The following SOX6 variants were observed in gnomAD, a reference collection of about 807,000 sequenced individuals.
The protein encoded by SOX6 is transcription factor SOX-6.
SOX6 carries 11 observed loss-of-function variants against 97.8 expected under a neutral mutation model. That is an observed-to-expected ratio of 0.11 (90% CI 0.07 to 0.19). The LOEUF (loss-of-function observed/expected upper bound fraction) is 0.19. Ranked by LOEUF, SOX6 falls within the 10% of genes least tolerant of loss-of-function variation. The pLI, the probability that SOX6 is intolerant of heterozygous loss-of-function variation, is 1.00. For missense variants in SOX6, 810 were observed against 1,039.5 expected (o/e 0.78, Z 3.04); for synonymous variants, 360 against 371.4 (o/e 0.97, Z 0.35).
chr11:15,978,389 C>T (rs916290556), intron 15 of SOX6, among the ~76,000 whole-genome samples: 4 of 151,922 alleles, frequency 2.6e-5, no homozygotes, highest in African/African-American at 9.7e-5. Flanking sequence ...AGTTCTTGGT[C>T]CTCATGTTAC....
chr11:16,426,356 C>T (rs563735933), intron 1 of SOX6, among the ~76,000 whole-genome samples: 3 of 146,062 alleles, frequency 2.1e-5, no homozygotes, highest in Non-Finnish European at 3.0e-5. Flanking sequence ...CAGAGCAATC[C>T]TAAGCAAAAA....
At chr11:16,670,339 C>A (rs1213222334) in intron 3 of SOX6, among the ~76,000 whole-genome samples, 1 of 152,104 alleles carries the variant, frequency 6.6e-6, no homozygotes, top group Admixed American at 6.5e-5. Context: ...CCCCTCCTCC[C>A]CAATAAGCAG....
At chr11:16,645,534 G>A (rs892258230) in intron 3 of SOX6, among the ~76,000 whole-genome samples, 1 of 152,196 alleles carries the variant, frequency 6.6e-6, no homozygotes, top group African/African-American at 2.4e-5. Flanking sequence ...GGTGATTGCA[G>A]ATGTAATGAG....
rs560180424 is a variant in SOX6, at chr11:16,673,029, G to GC, written n.429+41800dup. 5.6e-3 allele frequency among the ~76,000 whole-genome samples: 855 copies of GC among 152,252 alleles called. 9 individuals carry two copies. The highest frequency in any genetic ancestry group is 0.02 in the African/African-American group (818 of 41,546). ...GGAGGTTGCAGTTAGCTGAGATCAT[G>GC]CCACTGCACTCCAGCTTGAGCGACA... On this transcript the variant is annotated intron_variant and non_coding_transcript_variant, in intron 3 of 5. Transcript: ENST00000524520.
At chr11:16,123,999 C>G in intron 6 of SOX6, among the ~76,000 whole-genome samples, 1 of 151,956 alleles carries the variant, frequency 6.6e-6, no homozygotes, top group East Asian at 1.9e-4. Context: ...TTGTTCTTAC[C>G]ACATTTTCAC....
At chr11:16,265,773 A>C (rs556806710) in intron 3 of SOX6, among the ~76,000 whole-genome samples, 44 of 152,076 alleles carry the variant, frequency 2.9e-4, no homozygotes, top group African/African-American at 1.0e-3. Flanking sequence ...TTTTAATCAA[A>C]TGTCTAGAGC....
intron 1 of SOX6, among the ~76,000 whole-genome samples, chr11:16,461,881 G>A (rs1015421517): frequency 7.2e-5 from 11 of 152,062 alleles, no homozygotes; most frequent in Non-Finnish European, 2.9e-5. Context: ...AGACACTAGC[G>A]ACACAAATAA....
intron 1 of SOX6, among the ~76,000 whole-genome samples, chr11:16,372,307 C>G (rs1334138245): frequency 6.6e-6 from 1 of 151,724 alleles, no homozygotes; most frequent in Admixed American, 6.6e-5. Context: ...AGGTATGATA[C>G]TAAAGTATAC....
At chr11:16,045,196 A>G (rs1271466081) in intron 12 of SOX6, among the ~76,000 whole-genome samples, 1 of 152,148 alleles carries the variant, frequency 6.6e-6, no homozygotes, top group Non-Finnish European at 1.5e-5. Flanking sequence ...ATTCAACAAT[A>G]TAGGGTACTA....
intron 1 of SOX6, among the ~76,000 whole-genome samples, chr11:16,364,175 A>C (rs1009722856): frequency 4.6e-5 from 7 of 152,134 alleles, no homozygotes; most frequent in Admixed American, 4.6e-4. Context: ...AAAATTTGTA[A>C]CAGCTTCTGA....
intron 6 of SOX6, among the ~76,000 whole-genome samples, chr11:16,148,021 A>C (rs1453012319): frequency 1.3e-5 from 2 of 152,210 alleles, no homozygotes; most frequent in Non-Finnish European, 2.9e-5. Flanking sequence ...ACCAAATGCT[A>C]GTTAACAAAC....
At chr11:16,385,903 A>G (rs1353980970) in intron 1 of SOX6, among the ~76,000 whole-genome samples, 3 of 152,134 alleles carry the variant, frequency 2.0e-5, no homozygotes, top group Non-Finnish European at 2.9e-5. Flanking sequence ...CCACTAGCTA[A>G]TAGTCATTCA....
At chr11:16,161,553 C>T (rs1051778851) in intron 6 of SOX6, among the ~76,000 whole-genome samples, 3 of 151,970 alleles carry the variant, frequency 2.0e-5, no homozygotes, top group Admixed American at 1.3e-4. Context: ...GAAAAGGGCA[C>T]AAAGAGTGGG....
chr11:16,225,192 T>C (rs763223348), intron 4 of SOX6, among the ~76,000 whole-genome samples: 1 of 152,050 alleles, frequency 6.6e-6, no homozygotes, highest in Non-Finnish European at 1.5e-5. Context: ...AGTTACTGTT[T>C]TGATACTTTT....
At chr11:16,695,518 T>A (rs1848046931) in intron 3 of SOX6, among the ~76,000 whole-genome samples, 2 of 152,188 alleles carry the variant, frequency 1.3e-5, no homozygotes, top group Admixed American at 1.3e-4. Context: ...TTAATCTACC[T>A]GTTGGATAAG....
chr11:15,983,520 G>A (rs921056818), intron 15 of SOX6, among the ~76,000 whole-genome samples: 2 of 152,038 alleles, frequency 1.3e-5, no homozygotes, highest in African/African-American at 4.8e-5. Flanking sequence ...AACGTCAATA[G>A]AAATATTTGA....
At chr11:16,659,127 T>C (rs1847747200) in intron 3 of SOX6, among the ~76,000 whole-genome samples, 1 of 152,240 alleles carries the variant, frequency 6.6e-6, no homozygotes, top group Non-Finnish European at 1.5e-5. Context: ...CAAGGTCACC[T>C]AGATTTTCTT....
chr11:16,136,344 GTTT>G (rs34244829), intron 6 of SOX6, among the ~76,000 whole-genome samples: 9,966 of 129,234 alleles, frequency 0.077, 697 homozygotes, highest in East Asian at 0.34. Context: ...TGTGTGTGTG[GTTT>G]TTTTTTTTTT....
chr11:16,192,950 T>A (rs1851669784), intron 4 of SOX6, among the ~76,000 whole-genome samples: 1 of 152,138 alleles, frequency 6.6e-6, no homozygotes, highest in Non-Finnish European at 1.5e-5. Flanking sequence ...CTTTACTAAA[T>A]GGAGATTTAC....
Sources: gnomAD v4.1 joint callset for allele counts (sites outside exome capture counted in the v4.1 genomes callset) on GRCh38, gnomAD v4.1.1 for gene constraint, MANE v1.5 for transcripts, NCBI Gene and HGNC (gene_info 2026-07-23, HGNC 2026-07-21) for gene names.